The following KIF6 variants were observed in gnomAD, a reference collection of about 807,000 sequenced individuals.
The protein encoded by KIF6 is kinesin-like protein KIF6.
In KIF6, 106 loss-of-function variants were observed where a neutral mutation model predicts 112.7. The observed-to-expected ratio is 0.94, with a 90% CI of 0.80 to 1.11. The LOEUF (loss-of-function observed/expected upper bound fraction) is 1.11, where lower values mean the gene tolerates loss of function less well. Among genes scored for constraint, KIF6 ranks in the 50% least tolerant of loss-of-function variants. The pLI, the probability that KIF6 is intolerant of heterozygous loss-of-function variation, is 0.00. For synonymous variants in KIF6, 339 were observed against 339.9 expected (o/e 1.00, Z 0.03); for missense variants, 929 against 964.0 (o/e 0.96, Z 0.48).
At chr6:39,704,177 G>A (rs1374719327) in intron 3 of KIF6, among the ~76,000 whole-genome samples, 1 of 151,970 alleles carries the variant, frequency 6.6e-6, no homozygotes, top group Non-Finnish European at 1.5e-5. Context: ...AGCCAAAAAT[G>A]GATGATAGCT....
At chr6:39,661,131 C>G (rs975591765) in intron 3 of KIF6, among the ~76,000 whole-genome samples, 1 of 152,120 alleles carries the variant, frequency 6.6e-6, no homozygotes, top group Non-Finnish European at 1.5e-5. Context: ...CACAACCAGG[C>G]TGAAAAGACA....
chr6:39,372,554 C>T (rs1362715860), intron 16 of KIF6, among the ~76,000 whole-genome samples: 1 of 152,210 alleles, frequency 6.6e-6, no homozygotes. Context: ...GCCTTGGAAT[C>T]TAATCCTTCA....
Position 39,634,904 on chromosome 6 carries a change from A to G in KIF6, c.454T>C (p.Cys152Arg), listed in dbSNP as rs1784544486. ...CTTGGATCCAAAAGATCATAACCAC[A>G]TTCATTGTAGATTTCCAAATAGGAA... Reference protein sequence around the residue: ...HISYLEIYNECGYDLLDPRHE... With the variant: ...HISYLEIYNERGYDLLDPRHE... The change falls in exon 5 of 23, where the codon TGT (cysteine) becomes CGT (arginine). Residue 152 changes from cysteine to arginine, a missense_variant. Coordinates refer to ENST00000287152, the MANE Select transcript of KIF6 (RefSeq NM_145027.6). 2 of 1,612,620 alleles carry G rather than the reference A, an allele frequency of 1.2e-6. No homozygotes were observed. The highest frequency in any genetic ancestry group is 1.7e-5 in the Admixed American group (1 of 59,912).
Position 39,342,927 on chromosome 6 carries a change from CCCATA to C in KIF6, c.2428+777_2428+781del, listed in dbSNP as rs1415099947. ...AGTCATTATACATCGAATCTGCCAG[CCCATA>C]CCATCACGGTGGGGGCGCCTTTCTG... is the stretch of plus-strand genomic sequence containing the variant. On this transcript the variant is annotated intron_variant, in intron 22 of 22. Transcript: ENST00000287152. The surrounding 1 kb of genome is among the most constrained non-coding windows in gnomAD (Gnocchi z 4.7). 1 of 985,342 alleles carries C rather than the reference CCCATA, an allele frequency of 1.0e-6. No individual in the cohort carries two copies. Among genetic ancestry groups the C allele is most frequent in the Admixed American group, 6.1e-5 (1 of 16,272 alleles). The allele number at this position is 985,342 out of a possible 1,614,324, so 61.0% of individuals were successfully genotyped here. A position where few individuals can be genotyped will look rare whatever the true frequency, so the allele number is the denominator to read the frequency against.
intron 13 of KIF6, among the ~76,000 whole-genome samples, chr6:39,436,601 A>C (rs574217761): frequency 6.6e-6 from 1 of 151,988 alleles, no homozygotes; most frequent in African/African-American, 2.4e-5. Context: ...CCAATTTTCC[A>C]AGTACCATTT....
intron 13 of KIF6, among the ~76,000 whole-genome samples, chr6:39,463,573 A>C (rs1289205251): frequency 6.6e-6 from 1 of 152,190 alleles, no homozygotes; most frequent in East Asian, 1.9e-4. Flanking sequence ...ATAAAAGTGT[A>C]CTCATCTTTT....
At chr6:39,676,308 G>C (rs1483955294) in intron 3 of KIF6, among the ~76,000 whole-genome samples, 2 of 42,396 alleles carry the variant, frequency 4.7e-5, no homozygotes, top group African/African-American at 1.0e-4. Flanking sequence ...AAGCTAAAGA[G>C]TGATGGAATC....
chr6:39,394,017 T>C (rs1447669749), intron 15 of KIF6, among the ~76,000 whole-genome samples: 1 of 151,936 alleles, frequency 6.6e-6, no homozygotes, highest in Non-Finnish European at 1.5e-5. Context: ...ACTGTGTGTT[T>C]GTGTGTGTGT....
chr6:39,540,269 T>C (rs776419474), intron 12 of KIF6, 48 bp from the exon 13 acceptor site: 11 of 1,176,522 alleles, frequency 9.3e-6, no homozygotes, highest in Non-Finnish European at 1.2e-5. Flanking sequence ...CTTATAGTAA[T>C]CAAAACACAA....
chr6:39,706,199 A>G (rs1195165323), intron 3 of KIF6, among the ~76,000 whole-genome samples: 2 of 152,138 alleles, frequency 1.3e-5, no homozygotes, highest in Admixed American at 6.5e-5. Context: ...GTATTTTATC[A>G]AAAATTATGA....
At chr6:39,664,044 G>A (rs1006470726) in intron 3 of KIF6, among the ~76,000 whole-genome samples, 1 of 151,968 alleles carries the variant, frequency 6.6e-6, no homozygotes, top group Admixed American at 6.6e-5. Context: ...AACTAATTAG[G>A]ACTGGAACTA....
intron 16 of KIF6, among the ~76,000 whole-genome samples, chr6:39,375,995 A>T (rs566673391): frequency 6.6e-6 from 1 of 152,256 alleles, no homozygotes; most frequent in South Asian, 2.1e-4. Flanking sequence ...CTGGCAGGGA[A>T]ATGGTGTGCA....
At chr6:39,528,420 C>T (rs1385253496) in intron 13 of KIF6, among the ~76,000 whole-genome samples, 1 of 152,172 alleles carries the variant, frequency 6.6e-6, no homozygotes, top group Non-Finnish European at 1.5e-5. Flanking sequence ...GTGAAGTGAA[C>T]ATGGGAATGC....
intron 13 of KIF6, among the ~76,000 whole-genome samples, chr6:39,433,288 G>A (rs1437874666): frequency 2.6e-5 from 4 of 152,246 alleles, no homozygotes; most frequent in African/African-American, 4.8e-5. Flanking sequence ...GGCCTGGGCC[G>A]TGGGAGCAGA....
chr6:39,711,651 T>C (rs112278042), intron 3 of KIF6, among the ~76,000 whole-genome samples: 279 of 152,254 alleles, frequency 1.8e-3, no homozygotes, highest in African/African-American at 6.5e-3. Flanking sequence ...AGTTCCCCAG[T>C]CCTGAATTTT....
intron 13 of KIF6, among the ~76,000 whole-genome samples, chr6:39,525,431 T>C (rs182733125): frequency 2.6e-5 from 4 of 152,308 alleles, no homozygotes; most frequent in Non-Finnish European, 4.4e-5. Context: ...GCAATATTCA[T>C]CCTAGTTTAT....
Position 39,384,307 on chromosome 6 carries a change from A to T in KIF6, c.1861+1315T>A, listed in dbSNP as rs80074545. ...AGCACGAAGCAGGATACAGAGGCCC[A>T]TAAGGTCACCTTGGTACAGTTTTCC... On this transcript the variant is annotated intron_variant, in intron 16 of 22. Coordinates refer to ENST00000287152, the MANE Select transcript of KIF6 (RefSeq NM_145027.6). Among the ~76,000 whole-genome samples the T allele has an allele frequency of 7.1e-3, 1,078 of 152,330 alleles. 10 individuals carry two copies. The highest frequency in any genetic ancestry group is 0.024 in the African/African-American group (981 of 41,568).
At chr6:39,576,837 T>G (rs1237406017) in intron 10 of KIF6, among the ~76,000 whole-genome samples, 2 of 152,212 alleles carry the variant, frequency 1.3e-5, no homozygotes, top group Non-Finnish European at 2.9e-5. Context: ...TTTCCTATAT[T>G]AAATTCCTTT....
chr6:39,468,659 A>C (rs1348475402), intron 13 of KIF6, among the ~76,000 whole-genome samples: 1 of 152,162 alleles, frequency 6.6e-6, no homozygotes, highest in African/African-American at 2.4e-5. Context: ...TTCTTAGATA[A>C]ATAAAAATGG....
Sources: gnomAD v4.1 joint callset for allele counts (sites outside exome capture counted in the v4.1 genomes callset) on GRCh38, gnomAD v4.1.1 for gene constraint, Gnocchi (gnomAD v3.1) non-coding constraint, MANE v1.5 for transcripts, NCBI Gene and HGNC (gene_info 2026-07-23, HGNC 2026-07-21) for gene names.